The following ADAM29 variants were observed in gnomAD, a reference collection of about 807,000 sequenced individuals.
ADAM29 encodes ADAM metallopeptidase domain 29.
For missense variants in ADAM29, 969 were observed against 1,001.8 expected (o/e 0.97, Z 0.44); for synonymous variants, 367 against 342.3 (o/e 1.07, Z -0.80).
At chr4:174,947,780 T>C (rs1028717318) in intron 4 of ADAM29, among the ~76,000 whole-genome samples, 13 of 152,296 alleles carry the variant, frequency 8.5e-5, no homozygotes, top group African/African-American at 3.1e-4. Flanking sequence ...GCCAAGATCA[T>C]GTCCTGAATA....
At chr4:174,957,638 A>G (rs1047258995) in intron 4 of ADAM29, among the ~76,000 whole-genome samples, 1 of 151,772 alleles carries the variant, frequency 6.6e-6, no homozygotes, top group African/African-American at 2.4e-5. Flanking sequence ...CCTACACTGA[A>G]GATTCAAGCA....
At chr4:174,942,475 A>G (rs1221581792) in intron 4 of ADAM29, among the ~76,000 whole-genome samples, 1 of 152,132 alleles carries the variant, frequency 6.6e-6, no homozygotes, top group Non-Finnish European at 1.5e-5. Flanking sequence ...CCACAGGCCC[A>G]ATACCATGTG....
chr4:174,969,227 G>C (rs1470871833), intron 4 of ADAM29, among the ~76,000 whole-genome samples: 2 of 151,070 alleles, frequency 1.3e-5, no homozygotes, highest in Non-Finnish European at 3.0e-5. Flanking sequence ...GTTGAAGACA[G>C]TGTGGCAATT....
intron 4 of ADAM29, among the ~76,000 whole-genome samples, chr4:174,966,767 A>C (rs952181190): frequency 3.3e-5 from 5 of 152,148 alleles, no homozygotes; most frequent in Admixed American, 2.6e-4. Context: ...TTTGAGACCA[A>C]AGAGGCATCC....
At chr4:174,969,204 A>G (rs1443369611) in intron 4 of ADAM29, among the ~76,000 whole-genome samples, 5 of 151,402 alleles carry the variant, frequency 3.3e-5, no homozygotes, top group African/African-American at 7.3e-5. Flanking sequence ...GTTCTAGGGT[A>G]CATGTGCACA....
chr4:174,959,524 C>A (rs1282440076), intron 4 of ADAM29, among the ~76,000 whole-genome samples: 2 of 150,106 alleles, frequency 1.3e-5, no homozygotes, highest in Non-Finnish European at 3.0e-5. Context: ...ATTTACCCTG[C>A]TTGGTGTTTT....
Position 174,977,477 on chromosome 4 carries a change from C to T in ADAM29, c.1952C>T (p.Pro651Leu). The T allele has an allele frequency of 6.2e-7, 1 of 1,614,058 alleles. No homozygotes were observed. Among genetic ancestry groups the T allele is most frequent in the Admixed American group, 1.7e-5 (1 of 60,008 alleles). ...CATTGCAATTATCTGTGGGACCCTC[C>T]CAACTGCCTGATAAAAGGCTATGGA... The part of the protein sequence containing the change: ...HCHCNYLWDP[P>L]NCLIKGYGGS... Residue 651 changes from proline to leucine, a missense_variant, in exon 5 of 5, where the codon CCC becomes CTC. Physicochemically the swap from Pro to Leu is moderately conservative, Grantham distance 98. Transcript: ENST00000359240.
rs1457027436 is a variant in ADAM29 at position 174,977,216 on chromosome 4, A to G, written c.1691A>G (p.Asn564Ser). 1.2e-6 allele frequency: 2 copies of G among 1,613,960 alleles called. No homozygotes were observed. The highest frequency in any genetic ancestry group is 1.7e-6 in the Non-Finnish European group (2 of 1,180,044). ...IQCENVTEIP[N>S]MSDHTTVHWA... ...TGTGAGAATGTGACAGAAATTCCCA[A>G]TATGAGTGATCATACTACTGTGCAT... Residue 564 changes from asparagine (N) to serine (S), a missense_variant, in exon 5 of 5, where the codon AAT (asparagine) becomes AGT (serine). Asn to Ser is a conservative substitution (Grantham distance 46). Coordinates refer to ENST00000359240, the MANE Select transcript of ADAM29 (RefSeq NM_014269.4).
chr4:174,961,744 A>C (rs1025205005), intron 4 of ADAM29, among the ~76,000 whole-genome samples: 18 of 152,170 alleles, frequency 1.2e-4, no homozygotes, highest in Non-Finnish European at 2.5e-4. Flanking sequence ...TTATATGCTA[A>C]CAGCAATTCT....
intron 4 of ADAM29, among the ~76,000 whole-genome samples, chr4:174,969,812 G>T (rs114114507): frequency 0.013 from 1,932 of 151,902 alleles, 22 homozygotes; most frequent in Non-Finnish European, 0.021. Context: ...CCAAAGTTGA[G>T]AATCTTTACA....
Position 174,976,166 on chromosome 4 carries a change from A to T in ADAM29, c.641A>T (p.Tyr214Phe). ...ATTGATAATTATCTGTACATTCGTT[A>T]TGAAAGGAACGACTCAAAGTTGCTG... ...VVIDNYLYIRYERNDSKLLED... is the reference protein window; with the variant it reads ...VVIDNYLYIRFERNDSKLLED... The change falls in exon 5 of 5, where the codon TAT becomes TTT. Residue 214 changes from tyrosine (Y) to phenylalanine (F), a missense_variant. Physicochemically the swap from Tyr to Phe is conservative, Grantham distance 22. Transcript: ENST00000359240. 2.5e-6 allele frequency: 4 copies of T among 1,612,190 alleles called. No individual in the cohort carries two copies. Among genetic ancestry groups the T allele is most frequent in the Non-Finnish European group, 3.4e-6 (4 of 1,179,542 alleles).
chr4:174,942,950 A>T (rs541973092), intron 4 of ADAM29, among the ~76,000 whole-genome samples: 4 of 152,206 alleles, frequency 2.6e-5, no homozygotes, highest in Non-Finnish European at 5.9e-5. Flanking sequence ...GCCAGGTCAC[A>T]TCTTGAGTAC....
intron 2 of ADAM29, among the ~76,000 whole-genome samples, chr4:174,930,095 A>AT (rs1369752317): frequency 6.6e-6 from 1 of 151,826 alleles, no homozygotes; most frequent in African/African-American, 2.4e-5. Context: ...TGCCCGGCTC[A>AT]TTTTTTGTAT....
intron 3 of ADAM29, among the ~76,000 whole-genome samples, chr4:174,933,141 G>A (rs539870698): frequency 6.6e-6 from 1 of 152,314 alleles, no homozygotes; most frequent in Middle Eastern, 3.4e-3. Context: ...AAGTTAGTGA[G>A]CAGAATGGGG....
intron 4 of ADAM29, among the ~76,000 whole-genome samples, chr4:174,973,760 G>A (rs568392699): frequency 3.3e-5 from 5 of 152,186 alleles, no homozygotes; most frequent in African/African-American, 1.2e-4. Context: ...GTGCCATCTG[G>A]GGCAGAAGGC....
At chr4:174,962,462 A>G (rs577687215) in intron 4 of ADAM29, among the ~76,000 whole-genome samples, 6 of 151,070 alleles carry the variant, frequency 4.0e-5, no homozygotes, top group East Asian at 1.9e-4. Context: ...CAGTGAGCCG[A>G]GATCGCGCCA....
intron 3 of ADAM29, among the ~76,000 whole-genome samples, chr4:174,932,054 C>T (rs1743911835): frequency 6.6e-6 from 1 of 152,034 alleles, no homozygotes; most frequent in Non-Finnish European, 1.5e-5. Context: ...TTTGGGAGGG[C>T]AAGGCAGGTA....
Position 174,976,889 on chromosome 4 carries a change from G to A in ADAM29, c.1364G>A (p.Cys455Tyr), listed in dbSNP as rs1746851562. The change falls in exon 5 of 5, where the codon TGT (cysteine) becomes TAT (tyrosine). Residue 455 changes from cysteine to tyrosine, a missense_variant. By Grantham distance (194) the Cys-to-Tyr change is radical (BLOSUM62 -2). Transcript: ENST00000359240. ...AAGTTCCTACCATCAGGGAAAGTGT[G>A]TAGAAAGGAGGTCAATGAATGTGAT... Reference protein sequence around the residue: ...DCKFLPSGKVCRKEVNECDLP... With the variant: ...DCKFLPSGKVYRKEVNECDLP... 1.2e-6 allele frequency: 2 copies of A among 1,614,174 alleles called. No individual in the cohort carries two copies. Among genetic ancestry groups the A allele is most frequent in the Non-Finnish European group, 8.5e-7 (1 of 1,180,034 alleles).
At chr4:174,927,673 T>TATTGGTTC (rs1256109854) in intron 2 of ADAM29, among the ~76,000 whole-genome samples, 1 of 152,258 alleles carries the variant, frequency 6.6e-6, no homozygotes, top group African/African-American at 2.4e-5. Flanking sequence ...TGAACTCACT[T>TATTGGTTC]ATTGGTTCTA....
Sources: gnomAD v4.1 joint callset for allele counts (sites outside exome capture counted in the v4.1 genomes callset) on GRCh38, gnomAD v4.1.1 for gene constraint, MANE v1.5 for transcripts, NCBI Gene and HGNC (gene_info 2026-07-23, HGNC 2026-07-21) for gene names.